Variants in ZNF143 observed in about 807,000 individuals in gnomAD.
The protein encoded by ZNF143 is SPH-binding factor.
Under a neutral mutation model 74.1 loss-of-function variants are expected in ZNF143, and 49 were observed. The observed-to-expected ratio is 0.66, with a 90% CI of 0.53 to 0.84. The LOEUF is 0.84. Ranked by LOEUF, ZNF143 falls within the 40% of genes least tolerant of loss-of-function variation. The pLI, the probability that ZNF143 is intolerant of heterozygous loss-of-function variation, is 0.00. For missense variants in ZNF143, 637 were observed against 793.4 expected, an observed-to-expected ratio of 0.80 and a Z score of 2.37; for synonymous variants, 304 against 282.8, an observed-to-expected ratio of 1.07 and a Z score of -0.75.
chr11:9,507,098 A>G (rs1236027469), intron 11 of ZNF143, among the ~76,000 whole-genome samples: 1 of 152,238 alleles, frequency 6.6e-6, no homozygotes, highest in Non-Finnish European at 1.5e-5. Context: ...GAGGACAGGA[A>G]GAAATCGCCA....
rs369029879 is a variant in ZNF143 at position 9,473,937 on chromosome 11, A to C, written c.206-4A>C. Reference sequence around the variant, plus strand: ...AATTTATTGTCTTGAATCTTTTGTTATAGATGCAAAACTCATAGATGGCCA... The same window carrying C: ...AATTTATTGTCTTGAATCTTTTGTTCTAGATGCAAAACTCATAGATGGCCA... On this transcript the variant is annotated splice_polypyrimidine_tract_variant and splice_region_variant and intron_variant, in intron 3 of 15. Coordinates refer to ENST00000396602, the MANE Select transcript of ZNF143 (RefSeq NM_003442.6). 233 of 1,613,976 alleles carry C rather than the reference A, an allele frequency of 1.4e-4. No homozygotes were observed. Among genetic ancestry groups the C allele is most frequent in the Non-Finnish European group, 1.9e-4 (229 of 1,179,958 alleles).
intron 9 of ZNF143, among the ~76,000 whole-genome samples, chr11:9,497,389 C>A (rs1221173582): frequency 6.6e-6 from 1 of 152,050 alleles, no homozygotes; most frequent in African/African-American, 2.4e-5. Flanking sequence ...ATCACCACAC[C>A]CAGAAAATTT....
Position 9,461,221 on chromosome 11 carries a change from C to T in ZNF143, c.-8+145C>T, listed in dbSNP as rs558841047. The T allele has an allele frequency of 2.7e-3, 987 of 372,434 alleles. 12 individuals carry two copies. In the South Asian group the frequency reaches 0.03, roughly 11 times the overall value. 23.1% of individuals were successfully genotyped at this position (372,434 alleles called of 1,614,324 possible). A position where few individuals can be genotyped will look rare whatever the true frequency, so the allele number is the denominator to read the frequency against. On this transcript the variant is annotated intron_variant, in intron 1 of 15. Coordinates refer to ENST00000396602, the MANE Select transcript of ZNF143 (RefSeq NM_003442.6). ...CGCAGGCCTTGCCGATTTTATGGGC[C>T]GGCCGCGGTAGCGGCGTCTGGGCAG...
chr11:9,514,478 A>C (rs1848656974), intron 13 of ZNF143, among the ~76,000 whole-genome samples: 1 of 152,240 alleles, frequency 6.6e-6, no homozygotes, highest in Non-Finnish European at 1.5e-5. Flanking sequence ...GCAGTATCAC[A>C]GTCTAGTAGG....
At chr11:9,492,975 C>T (rs1315744654) in intron 7 of ZNF143, among the ~76,000 whole-genome samples, 2 of 151,836 alleles carry the variant, frequency 1.3e-5, no homozygotes, top group Admixed American at 6.6e-5. Context: ...ATGGAATTTT[C>T]TAGCCAGAAA....
At chr11:9,463,154 A>G (rs1855975549) in intron 1 of ZNF143, among the ~76,000 whole-genome samples, 1 of 152,240 alleles carries the variant, frequency 6.6e-6, no homozygotes, top group Non-Finnish European at 1.5e-5. Context: ...TTGTATGAAC[A>G]TAGTACATTT....
chr11:9,499,401 C>G (rs1294795151), intron 10 of ZNF143, among the ~76,000 whole-genome samples: 1 of 152,092 alleles, frequency 6.6e-6, no homozygotes, highest in Non-Finnish European at 1.5e-5. Context: ...CTTTGTTCTC[C>G]TTAGGCTGAC....
chr11:9,501,107 G>T lies in ZNF143; in HGVS notation c.984G>T (p.Lys328Asn), dbSNP rs1848142269. The change falls in exon 11 of 16, where the codon AAG (lysine) becomes AAT (asparagine). Residue 328 changes from lysine (K) to asparagine (N), a missense_variant. By Grantham distance (94) the Lys-to-Asn change is moderately conservative (BLOSUM62 0). This residue lies in a region of ZNF143 where 344 missense variants were observed against 485.6 expected (regional missense o/e 0.71). Transcript: ENST00000396602. Reference protein sequence around the residue: ...IRTHTGERPFKCPFEGCGRSF... With the variant: ...IRTHTGERPFNCPFEGCGRSF... Reference sequence around the variant, plus strand: ...TATTTGCAGGAGAAAGGCCCTTTAAGTGTCCCTTCGAAGGCTGCGGTCGGT... The same window carrying T: ...TATTTGCAGGAGAAAGGCCCTTTAATTGTCCCTTCGAAGGCTGCGGTCGGT... The T allele has an allele frequency of 6.2e-7, 1 of 1,614,156 alleles. No homozygotes were observed.
intron 7 of ZNF143, among the ~76,000 whole-genome samples, chr11:9,490,529 A>G (rs1488863437): frequency 6.6e-6 from 1 of 150,648 alleles, no homozygotes; most frequent in African/African-American, 2.4e-5. Context: ...CAAGTGATCC[A>G]CCTGCTTCAA....
rs1293957290 is a variant in ZNF143 at position 9,482,902 on chromosome 11, G to A, written c.645+3356G>A. 2.0e-5 allele frequency among the ~76,000 whole-genome samples: 3 copies of A among 151,398 alleles called. 1 individual carries two copies. The highest frequency in any genetic ancestry group is 6.6e-5 in the Admixed American group (1 of 15,258). ...GTTGAAATGATATTTTGGACATATT[G>A]TGTTAAACAAAATAATTACTATTAA... is the stretch of plus-strand genomic sequence containing the variant. On this transcript the variant is annotated intron_variant, in intron 7 of 15. Transcript: ENST00000396602.
At position 9,465,359 on chromosome 11, in the gene ZNF143, T is replaced by G. The variant is rs879540170; in HGVS notation, c.-8+4283T>G. On this transcript the variant is annotated intron_variant, in intron 1 of 15. Transcript: ENST00000396602. ...ACGCCACCATGCCCAGCTAATTTTT[T>G]TATTTTTAGTAGAGACGGGGTTTCA... Among the ~76,000 whole-genome samples, 85 of 151,704 alleles carry G rather than the reference T, an allele frequency of 5.6e-4. 1 individual carries two copies. The highest frequency in any genetic ancestry group is 9.7e-4 in the Non-Finnish European group (66 of 67,854).
chr11:9,478,961 G>A (rs1031427332), intron 6 of ZNF143, among the ~76,000 whole-genome samples: 24 of 152,092 alleles, frequency 1.6e-4, no homozygotes, highest in African/African-American at 5.6e-4. Flanking sequence ...AAAGATATAC[G>A]AGGATGAAGG....
intron 3 of ZNF143, among the ~76,000 whole-genome samples, chr11:9,473,084 T>C (rs1391269780): frequency 6.6e-6 from 1 of 152,020 alleles, no homozygotes; most frequent in African/African-American, 2.4e-5. Flanking sequence ...TTTTACCAAA[T>C]ACCTGTAAGA....
At chr11:9,478,303 A>G in intron 5 of ZNF143, 87 bp from the exon 6 acceptor site, 1 of 1,413,092 alleles carries the variant, frequency 7.1e-7, no homozygotes, top group South Asian at 1.3e-5. Context: ...ACTACTCAAT[A>G]AAAGCTCATT....
At chr11:9,480,901 A>AAAAAAG (rs1233718053) in intron 7 of ZNF143, among the ~76,000 whole-genome samples, 1 of 151,446 alleles carries the variant, frequency 6.6e-6, no homozygotes, top group Non-Finnish European at 1.5e-5. Flanking sequence ...AAAAAAAAAG[A>AAAAAAG]AAAAAGAAAA....
chr11:9,499,210 G>A (rs1848070762), intron 10 of ZNF143, among the ~76,000 whole-genome samples: 1 of 152,036 alleles, frequency 6.6e-6, no homozygotes, highest in Non-Finnish European at 1.5e-5. Flanking sequence ...AGGGACATAG[G>A]GACTTCTGTA....
chr11:9,516,233 T>G lies in ZNF143; in HGVS notation c.1557T>G (p.Ile519Met), dbSNP rs1341426341. 4.3e-6 allele frequency: 7 copies of G among 1,613,988 alleles called. No homozygotes were observed. Among genetic ancestry groups the G allele is most frequent in the Non-Finnish European group, 3.4e-6 (4 of 1,179,986 alleles). ...TATCTCAAGCTGACATGCAGGCCAT[T>G]GGCAACACCATCACAATGGTAACGC... ...VNISQADMQA[I>M]GNTITMVTQD... The change falls in exon 14 of 16, where the codon ATT (isoleucine) becomes ATG (methionine). Residue 519 changes from isoleucine to methionine, a missense_variant. Around this residue, in one of 2 missense-constraint regions of ZNF143, gnomAD observed 344 missense variants for 485.6 expected, o/e 0.71. Coordinates refer to ENST00000396602, the MANE Select transcript of ZNF143 (RefSeq NM_003442.6).
At chr11:9,487,428 C>T (rs1170788528) in intron 7 of ZNF143, among the ~76,000 whole-genome samples, 4 of 151,574 alleles carry the variant, frequency 2.6e-5, no homozygotes, top group African/African-American at 9.8e-5. Context: ...GGCATGATCT[C>T]AGCTCACTGC....
At chr11:9,526,756 A>G (rs558754038) in intron 15 of ZNF143, among the ~76,000 whole-genome samples, 1 of 152,214 alleles carries the variant, frequency 6.6e-6, no homozygotes, top group Admixed American at 6.5e-5. Context: ...TGAAGATTTT[A>G]TCAAAATCCC....
Sources: gnomAD v4.1 joint callset for allele counts (sites outside exome capture counted in the v4.1 genomes callset) on GRCh38, gnomAD v4.1.1 for gene constraint, gnomAD v4.1.1 regional missense constraint, MANE v1.5 for transcripts, NCBI Gene and HGNC (gene_info 2026-07-23, HGNC 2026-07-21) for gene names.